Variants in DUSP22 observed in about 807,000 individuals in gnomAD.
DUSP22 encodes dual specificity protein phosphatase 22.
A neutral mutation model predicts 24.5 loss-of-function variants in DUSP22; 24 were observed. That is an observed-to-expected ratio of 0.98 (90% CI 0.71 to 1.38). DUSP22 has a LOEUF of 1.38. Ranked by LOEUF, DUSP22 falls within the 40% of genes most tolerant of loss-of-function variation. The pLI, the probability that DUSP22 is intolerant of heterozygous loss-of-function variation, is 0.00. For synonymous variants in DUSP22, 160 were observed against 106.4 expected, an observed-to-expected ratio of 1.50 and a Z score of -3.10; for missense variants, 330 against 269.2, an observed-to-expected ratio of 1.23 and a Z score of -1.58.
chr6:307,055 A>G (rs1383539782), intron 2 of DUSP22, among the ~76,000 whole-genome samples: 1 of 152,304 alleles, frequency 6.6e-6, no homozygotes, highest in Admixed American at 6.5e-5. Flanking sequence ...GCTGGGTGGC[A>G]TTGGCTGGCA....
At chr6:328,921 T>A (rs1163938501) in intron 3 of DUSP22, among the ~76,000 whole-genome samples, 1 of 152,308 alleles carries the variant, frequency 6.6e-6, no homozygotes, top group East Asian at 1.9e-4. Context: ...AGGTGTAATC[T>A]TCCTTGGGAT....
At chr6:292,634 C>T (rs183872292) in intron 1 of DUSP22, 74 bp downstream of exon 1, 9 of 1,543,994 alleles carry the variant, frequency 5.8e-6, no homozygotes, top group Non-Finnish European at 7.0e-6. Flanking sequence ...GTCGGCTGCC[C>T]GACGACTCGA....
intron 1 of DUSP22, among the ~76,000 whole-genome samples, chr6:303,913 G>A (rs1304062493): frequency 2.0e-5 from 3 of 152,308 alleles, no homozygotes; most frequent in Non-Finnish European, 2.9e-5. Flanking sequence ...GTTCTGATGG[G>A]GAGTTTGGTT....
rs1760177694 is a variant in DUSP22, at chr6:350,911, G to C, written c.*1960G>C. The C allele has an allele frequency of 6.2e-7, 1 of 1,611,838 alleles. No individual in the cohort carries two copies. On this transcript the variant is annotated 3_prime_UTR_variant, in exon 7 of 7. Coordinates refer to ENST00000419235, the MANE Select transcript of DUSP22 (RefSeq NM_001286555.3). ...AAATATTGCAAACCCACAGAGTTTAGGCTGGTGCTGCCAAAAAGAAAAGCA... is the reference window on the plus strand; with the variant it reads ...AAATATTGCAAACCCACAGAGTTTACGCTGGTGCTGCCAAAAAGAAAAGCA...
chr6:301,254 A>T lies in DUSP22; in HGVS notation c.22-3374A>T, dbSNP rs550174353. On this transcript the variant is annotated intron_variant, in intron 1 of 6. Transcript: ENST00000419235. Reference sequence around the variant, plus strand: ...GGGTTTGTGGTTTTCGAGCATACCCAAGGGATAAAGGACCCCAAACAGTGG... The same window carrying T: ...GGGTTTGTGGTTTTCGAGCATACCCTAGGGATAAAGGACCCCAAACAGTGG... Among the ~76,000 whole-genome samples the T allele has an allele frequency of 1.7e-4, 20 of 115,414 alleles. No individual in the cohort carries two copies. In the South Asian group the frequency reaches 6.0e-3, roughly 35 times the overall value. 75.7% of individuals were successfully genotyped at this position (115,414 alleles called of 152,430 possible).
At chr6:324,126 C>T (rs542842883) in intron 3 of DUSP22, among the ~76,000 whole-genome samples, 2 of 152,428 alleles carry the variant, frequency 1.3e-5, no homozygotes, top group Non-Finnish European at 2.9e-5. Flanking sequence ...TGCAGCTGCT[C>T]CTACTTCAGC....
At chr6:317,689 C>T (rs989262628) in intron 3 of DUSP22, among the ~76,000 whole-genome samples, 10 of 152,304 alleles carry the variant, frequency 6.6e-5, no homozygotes, top group African/African-American at 1.4e-4. Context: ...TGGCCCACAT[C>T]GGGCTCCTGA....
At chr6:313,945 A>G (rs1233519840) in intron 3 of DUSP22, among the ~76,000 whole-genome samples, 2 of 152,294 alleles carry the variant, frequency 1.3e-5, no homozygotes, top group East Asian at 3.8e-4. Flanking sequence ...TGCCTGGGGC[A>G]CAAAGGCAGT....
chr6:303,904 T>C (rs1757699065), intron 1 of DUSP22, among the ~76,000 whole-genome samples: 1 of 152,290 alleles, frequency 6.6e-6, no homozygotes, highest in Non-Finnish European at 1.5e-5. Flanking sequence ...GATTCTGGAG[T>C]TCTGATGGGG....
At chr6:329,191 C>T (rs1010291133) in intron 3 of DUSP22, among the ~76,000 whole-genome samples, 13 of 152,292 alleles carry the variant, frequency 8.5e-5, no homozygotes, top group Non-Finnish European at 1.3e-4. Flanking sequence ...CCTGGGTCTA[C>T]GATCTTCAAG....
At chr6:313,212 T>G (rs1581158364) in intron 3 of DUSP22, among the ~76,000 whole-genome samples, 1 of 152,420 alleles carries the variant, frequency 6.6e-6, no homozygotes, top group East Asian at 1.9e-4. Context: ...GCTTGAGGTT[T>G]CCTTTATTTT....
chr6:318,783 C>G (rs1758444108), intron 3 of DUSP22, among the ~76,000 whole-genome samples: 1 of 152,308 alleles, frequency 6.6e-6, no homozygotes, highest in South Asian at 2.1e-4. Flanking sequence ...TTTGTAATGG[C>G]AACAAATTGG....
intron 4 of DUSP22, among the ~76,000 whole-genome samples, chr6:343,687 G>GCGTGCATGTTTGCA (rs1554102515): frequency 6.6e-6 from 1 of 151,340 alleles, no homozygotes. Context: ...GCATGTTTGC[G>GCGTGCATGTTTGCA]TGTGCATGTT....
intron 3 of DUSP22, among the ~76,000 whole-genome samples, chr6:323,540 G>A (rs1179830740): frequency 6.6e-6 from 1 of 152,302 alleles, no homozygotes; most frequent in East Asian, 1.9e-4. Flanking sequence ...CGGCTAGTGG[G>A]GGTTAATCCA....
Position 298,947 on chromosome 6 carries a change from C to T in DUSP22, c.22-5681C>T, listed in dbSNP as rs1298107964. Reference sequence around the variant, plus strand: ...ATGTGGTGAAGAAAATAAAACAAGGCGATATGAGAGAGAGAGTGCCAGGGA... The same window carrying T: ...ATGTGGTGAAGAAAATAAAACAAGGTGATATGAGAGAGAGAGTGCCAGGGA... On this transcript the variant is annotated intron_variant, in intron 1 of 6. Transcript: ENST00000419235. Among the ~76,000 whole-genome samples, 8 of 152,418 alleles carry T rather than the reference C, an allele frequency of 5.2e-5. No individual in the cohort carries two copies. In the South Asian group the frequency reaches 6.2e-4, roughly 12 times the overall value.
chr6:326,759 G>A (rs575450667), intron 3 of DUSP22, among the ~76,000 whole-genome samples: 140 of 152,374 alleles, frequency 9.2e-4, no homozygotes, highest in African/African-American at 3.2e-3. Flanking sequence ...TTAAAGTCCT[G>A]TGTTCAAGGG....
chr6:324,619 C>G (rs1357213542), intron 3 of DUSP22, among the ~76,000 whole-genome samples: 1 of 152,308 alleles, frequency 6.6e-6, no homozygotes, highest in African/African-American at 2.4e-5. Flanking sequence ...AGCCTCAGCC[C>G]TGCCCATGCA....
intron 2 of DUSP22, among the ~76,000 whole-genome samples, chr6:308,098 C>T (rs1757901798): frequency 6.6e-6 from 1 of 150,798 alleles, no homozygotes; most frequent in South Asian, 2.1e-4. Flanking sequence ...TGTTAGGGTG[C>T]ACATGACCTT....
intron 5 of DUSP22, 118 bp downstream of exon 5, chr6:346,046 T>G: frequency 7.6e-7 from 1 of 1,315,334 alleles, no homozygotes; most frequent in Admixed American, 2.1e-5. Flanking sequence ...CTGTAAACCC[T>G]GACTCTCAAA....
Sources: allele counts gnomAD v4.1 joint callset (sites outside exome capture counted in the v4.1 genomes callset), GRCh38; gene constraint gnomAD v4.1.1; transcripts MANE v1.5; gene names NCBI Gene and HGNC (gene_info 2026-07-23, HGNC 2026-07-21).